The following ERICH1 variants were observed in gnomAD, a reference collection of about 807,000 sequenced individuals.
ERICH1 encodes glutamate rich 1, also known as glutamate-rich protein 1.
A neutral mutation model predicts 39.6 loss-of-function variants in ERICH1; 56 were observed. The ratio of observed to expected loss-of-function variants is 1.41; its 90% CI spans 1.14 to 1.77. ERICH1 has a LOEUF of 1.77. Among genes scored for constraint, ERICH1 ranks in the 40% most tolerant of loss-of-function variants. The pLI, the probability that ERICH1 is intolerant of heterozygous loss-of-function variation, is 0.00. For missense variants in ERICH1, 826 were observed against 575.4 expected, an observed-to-expected ratio of 1.44 and a Z score of -4.45; for synonymous variants, 313 against 223.6, an observed-to-expected ratio of 1.40 and a Z score of -3.57.
chr8:633,778 T>C (rs1337379295), intron 3 of ERICH1, among the ~76,000 whole-genome samples: 1 of 152,206 alleles, frequency 6.6e-6, no homozygotes, highest in Non-Finnish European at 1.5e-5. Flanking sequence ...ATGGCAGGAC[T>C]CCTCAATGGG....
chr8:617,137 G>C (rs751801991), intron 3 of ERICH1, among the ~76,000 whole-genome samples: 14 of 152,146 alleles, frequency 9.2e-5, no homozygotes, highest in Non-Finnish European at 1.6e-4. Context: ...AGGAAACTGA[G>C]AAAGAAAGAA....
chr8:686,312 T>C (rs1302328016), intron 3 of ERICH1, among the ~76,000 whole-genome samples: 1 of 152,222 alleles, frequency 6.6e-6, no homozygotes, highest in Non-Finnish European at 1.5e-5. Flanking sequence ...TACACCACTA[T>C]CTAGACATTT....
intron 2 of ERICH1, among the ~76,000 whole-genome samples, chr8:693,953 C>T (rs1287967461): frequency 5.3e-5 from 8 of 152,104 alleles, no homozygotes; most frequent in African/African-American, 1.9e-4. Context: ...TCCTCTCAAA[C>T]TGTCCGACAC....
intron 2 of ERICH1, among the ~76,000 whole-genome samples, chr8:708,789 G>A (rs1162603452): frequency 6.9e-6 from 1 of 144,656 alleles, no homozygotes; most frequent in Non-Finnish European, 1.5e-5. Flanking sequence ...GTCTTCTCAG[G>A]CTCAAGTGAC....
chr8:723,459 C>A (rs1348064232), intron 1 of ERICH1, among the ~76,000 whole-genome samples: 1 of 152,210 alleles, frequency 6.6e-6, no homozygotes, highest in Non-Finnish European at 1.5e-5. Context: ...GAAATTTCCA[C>A]CATGGCCAGC....
At chr8:634,003 C>A (rs530676338) in intron 3 of ERICH1, among the ~76,000 whole-genome samples, 9 of 151,990 alleles carry the variant, frequency 5.9e-5, no homozygotes, top group African/African-American at 2.2e-4. Flanking sequence ...AAGGCCCAGG[C>A]GACAACAGAA....
intron 3 of ERICH1, chr8:616,324 G>T: frequency 2.9e-6 from 1 of 339,000 alleles, no homozygotes; most frequent in Non-Finnish European, 5.9e-6. Context: ...AGAGGGACGC[G>T]TTAACTGAAA....
chr8:710,422 G>C (rs1241440535), intron 2 of ERICH1, among the ~76,000 whole-genome samples: 2 of 149,524 alleles, frequency 1.3e-5, no homozygotes, highest in Non-Finnish European at 3.0e-5. Context: ...CCCAGTCCTT[G>C]GCATCGTACG....
At chr8:726,864 G>A (rs183188787) in intron 1 of ERICH1, among the ~76,000 whole-genome samples, 7 of 148,348 alleles carry the variant, frequency 4.7e-5, no homozygotes, top group Admixed American at 2.0e-4. Flanking sequence ...TATGTACACA[G>A]ATACACATGC....
At chr8:679,601 C>A (rs1419253584) in intron 3 of ERICH1, among the ~76,000 whole-genome samples, 2 of 152,202 alleles carry the variant, frequency 1.3e-5, no homozygotes, top group East Asian at 1.9e-4. Context: ...AGATTCCAGT[C>A]ATGTAAAGTG....
chr8:636,646 T>C (rs1370051219), intron 3 of ERICH1, among the ~76,000 whole-genome samples: 1 of 152,220 alleles, frequency 6.6e-6, no homozygotes, highest in Non-Finnish European at 1.5e-5. Context: ...ACAGGACACC[T>C]ACAACAAAAG....
At chr8:635,243 G>A (rs945640227) in intron 3 of ERICH1, among the ~76,000 whole-genome samples, 1 of 152,172 alleles carries the variant, frequency 6.6e-6, no homozygotes, top group Non-Finnish European at 1.5e-5. Context: ...ACACATCCGA[G>A]CTTATGAGTT....
chr8:657,924 G>C (rs1338280099), intron 3 of ERICH1, among the ~76,000 whole-genome samples: 1 of 152,220 alleles, frequency 6.6e-6, no homozygotes, highest in Non-Finnish European at 1.5e-5. Flanking sequence ...AATGGCAGAG[G>C]TGGTTTGACT....
At chr8:702,933 T>TG (rs1392234029) in intron 2 of ERICH1, among the ~76,000 whole-genome samples, 4 of 152,132 alleles carry the variant, frequency 2.6e-5, no homozygotes, top group African/African-American at 4.8e-5. Flanking sequence ...CCCGCACGCC[T>TG]GGGGTTAGCT....
At chr8:690,832 C>T (rs1808736779) in intron 3 of ERICH1, 1 of 152,330 alleles carries the variant, frequency 6.6e-6, no homozygotes, top group African/African-American at 2.4e-5. Context: ...AGCCAGTGAC[C>T]TGAGTGCTTC....
intron 3 of ERICH1, among the ~76,000 whole-genome samples, chr8:677,076 C>G (rs989327767): frequency 6.6e-6 from 1 of 152,226 alleles, no homozygotes; most frequent in Non-Finnish European, 1.5e-5. Flanking sequence ...CCTCAAAGCC[C>G]AGGGCCTGCC....
chr8:677,136 A>T (rs1343080442), intron 3 of ERICH1, among the ~76,000 whole-genome samples: 3 of 152,232 alleles, frequency 2.0e-5, no homozygotes, highest in Admixed American at 6.5e-5. Flanking sequence ...GCTCTTCGCC[A>T]GCTGCGGACA....
chr8:693,916 C>T (rs762697264), intron 2 of ERICH1, among the ~76,000 whole-genome samples: 5 of 152,242 alleles, frequency 3.3e-5, no homozygotes, highest in African/African-American at 4.8e-5. Flanking sequence ...TTTTCATGCA[C>T]ACTGTCTGGA....
intron 5 of ERICH1, chr8:666,739 G>C (rs1337254214): frequency 6.6e-6 from 1 of 152,342 alleles, no homozygotes; most frequent in African/African-American, 2.4e-5. Flanking sequence ...CTGCGCTCTG[G>C]GCAGGGCCTC....
Sources: allele counts gnomAD v4.1 joint callset (sites outside exome capture counted in the v4.1 genomes callset), GRCh38; gene constraint gnomAD v4.1.1; transcripts MANE v1.5; gene names NCBI Gene and HGNC (gene_info 2026-07-23, HGNC 2026-07-21).